Variants in GLIS3 observed in about 807,000 individuals in gnomAD.
GLIS3 encodes the protein GLIS family zinc finger 3.
Under a neutral mutation model 78.6 loss-of-function variants are expected in GLIS3, and 53 were observed. That is an observed-to-expected ratio of 0.67 (90% CI 0.54 to 0.85). The LOEUF is 0.85. Among genes scored for constraint, GLIS3 ranks in the 40% least tolerant of loss-of-function variants. The pLI, the probability that GLIS3 is intolerant of heterozygous loss-of-function variation, is 0.00. For synonymous variants in GLIS3, 684 were observed against 509.9 expected, an observed-to-expected ratio of 1.34 and a Z score of -4.60; for missense variants, 1,703 against 1,231.1, an observed-to-expected ratio of 1.38 and a Z score of -5.74.
chr9:4,258,962 A>G (rs926307562), intron 2 of GLIS3, among the ~76,000 whole-genome samples: 10 of 152,120 alleles, frequency 6.6e-5, no homozygotes, highest in Admixed American at 1.3e-4. Context: ...TTACTATCAC[A>G]AAGCCCCAGA....
At chr9:4,068,834 ATGTGTGTGTGTGTG>A (rs56232754) in intron 4 of GLIS3, among the ~76,000 whole-genome samples, 4,410 of 149,802 alleles carry the variant, frequency 0.029, 214 homozygotes, top group African/African-American at 0.1. Context: ...GCATGTATGC[ATGTGTGTGTGTGTG>A]TGTGTGTGTT....
intron 7 of GLIS3, among the ~76,000 whole-genome samples, chr9:3,894,339 A>C (rs1247341982): frequency 6.6e-6 from 1 of 152,240 alleles, no homozygotes; most frequent in Non-Finnish European, 1.5e-5. Flanking sequence ...ACCCTCTAAT[A>C]AATCTCTAAC....
At chr9:4,419,896 C>A in the GLIS3 span, among the ~76,000 whole-genome samples, 28 of 152,290 alleles carry the variant, frequency 1.8e-4, no homozygotes, top group Non-Finnish European at 3.4e-4. Flanking sequence ...AATCATCTCC[C>A]ACCAGGCCTC....
the GLIS3 span, among the ~76,000 whole-genome samples, chr9:4,412,473 A>C: frequency 1.3e-5 from 2 of 152,180 alleles, no homozygotes; most frequent in Non-Finnish European, 2.9e-5. Context: ...TAGAACAGTT[A>C]ATCTATGTAA....
chr9:4,224,582 T>C (rs887090647), intron 2 of GLIS3, among the ~76,000 whole-genome samples: 1 of 152,130 alleles, frequency 6.6e-6, no homozygotes, highest in Non-Finnish European at 1.5e-5. Context: ...TACAGGAAAA[T>C]CCAGAACCAA....
At chr9:4,435,947 T>TCAAAA in the GLIS3 span, among the ~76,000 whole-genome samples, 30,763 of 151,266 alleles carry the variant, frequency 0.2, 3,505 homozygotes, top group Middle Eastern at 0.31. Context: ...AGACTCCGTC[T>TCAAAA]CAAAACAAAA....
intron 2 of GLIS3, among the ~76,000 whole-genome samples, chr9:4,213,933 A>G (rs1373046854): frequency 6.6e-6 from 1 of 151,924 alleles, no homozygotes; most frequent in Non-Finnish European, 1.5e-5. Context: ...GAAGCAAAAA[A>G]AAAAAAAAAC....
chr9:4,488,807 C>T, the GLIS3 span, among the ~76,000 whole-genome samples: 1 of 152,146 alleles, frequency 6.6e-6, no homozygotes, highest in Non-Finnish European at 1.5e-5. Flanking sequence ...TGTGAGCCAT[C>T]GCGCCCGGGA....
At chr9:4,474,741 G>T in the GLIS3 span, among the ~76,000 whole-genome samples, 2 of 146,960 alleles carry the variant, frequency 1.4e-5, no homozygotes, top group Non-Finnish European at 3.0e-5. Context: ...CTGTCACCCA[G>T]GCTGGAGTGC....
intron 4 of GLIS3, among the ~76,000 whole-genome samples, chr9:4,066,037 T>TAAAAAAAAAAAA (rs375649097): frequency 1.0e-5 from 1 of 95,780 alleles, no homozygotes; most frequent in Non-Finnish European, 2.2e-5. Flanking sequence ...ACCCAAAGAA[T>TAAAAAAAAAAAA]ATAAAAAAAA....
chr9:4,486,145 T>A, the GLIS3 span, among the ~76,000 whole-genome samples: 1 of 152,218 alleles, frequency 6.6e-6, no homozygotes, highest in Non-Finnish European at 1.5e-5. Context: ...AAAACAAGTA[T>A]GCACTATAGG....
chr9:4,366,274 G>C, the GLIS3 span, among the ~76,000 whole-genome samples: 1 of 152,210 alleles, frequency 6.6e-6, no homozygotes, highest in Non-Finnish European at 1.5e-5. Flanking sequence ...TACCCAGCCA[G>C]AATCATTGTC....
At chr9:4,250,835 G>A (rs1053392296) in intron 2 of GLIS3, among the ~76,000 whole-genome samples, 3 of 152,284 alleles carry the variant, frequency 2.0e-5, no homozygotes, top group East Asian at 1.9e-4. Flanking sequence ...TGGTTTCAAA[G>A]AAATTATTTA....
chr9:4,228,410 A>C (rs1390356137), intron 2 of GLIS3, among the ~76,000 whole-genome samples: 1 of 152,150 alleles, frequency 6.6e-6, no homozygotes, highest in Admixed American at 6.5e-5. Context: ...CAGTGCAATG[A>C]TACATTCTCA....
intron 6 of GLIS3, among the ~76,000 whole-genome samples, chr9:3,909,965 G>A (rs1463449385): frequency 6.6e-6 from 1 of 152,132 alleles, no homozygotes; most frequent in African/African-American, 2.4e-5. Flanking sequence ...TTATAGTAAT[G>A]AAGTGCACAG....
chr9:4,485,633 A>C, the GLIS3 span, among the ~76,000 whole-genome samples: 1 of 151,994 alleles, frequency 6.6e-6, no homozygotes, highest in Non-Finnish European at 1.5e-5. Flanking sequence ...CCAGTGTTTC[A>C]GTGAATCAGC....
At chr9:3,852,620 G>C (rs923548228) in intron 9 of GLIS3, among the ~76,000 whole-genome samples, 1 of 152,204 alleles carries the variant, frequency 6.6e-6, no homozygotes, top group Non-Finnish European at 1.5e-5. Context: ...ACCCTGAAGA[G>C]TAGTAGATAA....
upstream of GLIS3, among the ~76,000 whole-genome samples, chr9:4,301,543 T>A (rs1352856188): frequency 1.3e-5 from 2 of 152,174 alleles, no homozygotes; most frequent in South Asian, 2.1e-4. Flanking sequence ...CAGAGCAAGA[T>A]GGCAACACTA....
At chr9:3,854,288 A>C (rs923035656) in intron 9 of GLIS3, among the ~76,000 whole-genome samples, 1 of 152,218 alleles carries the variant, frequency 6.6e-6, no homozygotes, top group African/African-American at 2.4e-5. Flanking sequence ...TCTTGGTTGA[A>C]TAAATACATA....
Sources: allele counts gnomAD v4.1 joint callset (sites outside exome capture counted in the v4.1 genomes callset), GRCh38; gene constraint gnomAD v4.1.1; transcripts MANE v1.5; gene names NCBI Gene and HGNC (gene_info 2026-07-23, HGNC 2026-07-21).